Variants in GRIN2B observed in about 807,000 individuals in gnomAD.
The protein encoded by GRIN2B is glutamate receptor ionotropic, NMDA 2B.
GRIN2B carries 5 observed loss-of-function variants against 114.5 expected under a neutral mutation model. The ratio of observed to expected loss-of-function variants is 0.04; its 90% CI spans 0.02 to 0.09. GRIN2B has a LOEUF of 0.09. Among genes scored for constraint, GRIN2B ranks in the 10% least tolerant of loss-of-function variants. GRIN2B has a pLI of 1.00. For synonymous variants in GRIN2B, 787 were observed against 745.1 expected (o/e 1.06, Z -0.92); for missense variants, 1,108 against 1,943.5 (o/e 0.57, Z 8.08).
intron 3 of GRIN2B, among the ~76,000 whole-genome samples, chr12:13,844,324 C>T (rs1164626298): frequency 6.6e-6 from 1 of 152,136 alleles, no homozygotes; most frequent in Non-Finnish European, 1.5e-5. Flanking sequence ...CTATGAATTC[C>T]TCATTCTAGA....
At chr12:13,705,182 C>T (rs7968071) in intron 4 of GRIN2B, among the ~76,000 whole-genome samples, 16,824 of 152,146 alleles carry the variant, frequency 0.11, 1,179 homozygotes, top group African/African-American at 0.19. Flanking sequence ...GAATTTGATT[C>T]CCCTGCTCTC....
At position 13,637,517 on chromosome 12, in the gene GRIN2B, G is replaced by A. The variant is rs570023234; in HGVS notation, c.1126-20860C>T. On this transcript the variant is annotated intron_variant, in intron 5 of 13. Coordinates refer to ENST00000609686, the MANE Select transcript of GRIN2B (RefSeq NM_000834.5). ...AGTGAGATATTCCATCACCAGTAAA[G>A]GTTTTGGCACCAACCAGTGAATGGA... Among the ~76,000 whole-genome samples the A allele has an allele frequency of 2.9e-4, 44 of 152,222 alleles. 2 individuals carry two copies. In the Middle Eastern group the frequency reaches 0.01, roughly 35 times the overall value.
chr12:13,676,357 A>T (rs1233105533), intron 4 of GRIN2B, among the ~76,000 whole-genome samples: 2 of 152,138 alleles, frequency 1.3e-5, no homozygotes, highest in Admixed American at 6.6e-5. Flanking sequence ...ATTAAAAATA[A>T]AAATTTTTAA....
chr12:13,627,345 A>G (rs891441708), intron 5 of GRIN2B, among the ~76,000 whole-genome samples: 3 of 152,148 alleles, frequency 2.0e-5, no homozygotes, highest in East Asian at 3.9e-4. Flanking sequence ...TTATAATCAA[A>G]ACAGTTCTCA....
Position 13,546,698 on chromosome 12 carries a change from A to G in GRIN2B, c.*16085T>C, listed in dbSNP as rs936269180. 3 of 152,186 alleles carry G rather than the reference A, an allele frequency of 2.0e-5. No homozygotes were observed. The highest frequency in any genetic ancestry group is 4.4e-5 in the Non-Finnish European group (3 of 68,040). 9.4% of individuals were successfully genotyped at this position (152,186 alleles called of 1,614,324 possible). A position where few individuals can be genotyped will look rare whatever the true frequency, so the allele number is the denominator to read the frequency against. ...ACATGCAACAACTCACTGGGCGAGA[A>G]ATTTAGAAACACTTGCCTCCTATGA... On this transcript the variant is annotated 3_prime_UTR_variant, in exon 14 of 14. Coordinates refer to ENST00000609686, the MANE Select transcript of GRIN2B (RefSeq NM_000834.5).
intron 3 of GRIN2B, among the ~76,000 whole-genome samples, chr12:13,827,004 G>C (rs937783089): frequency 1.3e-5 from 2 of 149,572 alleles, no homozygotes; most frequent in African/African-American, 4.9e-5. Flanking sequence ...GCTAGGTGTA[G>C]AGTTCTTTGT....
rs1443162589 is a variant in GRIN2B, at chr12:13,538,170, G to C, written c.*24613C>G. The stretch of plus-strand genomic sequence containing the variant: ...GAGTGTCAATCCTGGGACAGCCAAG[G>C]AGGCTCATCTTTCCGGAACAGTTGG... On this transcript the variant is annotated 3_prime_UTR_variant, in exon 14 of 14. Transcript: ENST00000609686. 1 of 152,274 alleles carries C rather than the reference G, an allele frequency of 6.6e-6. No individual in the cohort carries two copies. The highest frequency in any genetic ancestry group is 1.5e-5 in the Non-Finnish European group (1 of 68,096). The allele number at this position is 152,274 out of a possible 1,614,324, so 9.4% of individuals were successfully genotyped here.
At position 13,567,064 on chromosome 12, in the gene GRIN2B, G is replaced by A; in HGVS notation, c.2559C>T (p.Val853=). The A allele has an allele frequency of 2.5e-6, 4 of 1,614,080 alleles. No homozygotes were observed. Among genetic ancestry groups the A allele is most frequent in the Non-Finnish European group, 3.4e-6 (4 of 1,179,924 alleles). ...AGACCATGCCAGGCTTGCCAGAACA[G>A]ACACCCATAAAGCAATGTCGGAACT... ...YWQFRHCFMG[V]CSGKPGMVFS... is the part of the protein sequence containing the mutation. Residue 853 remains valine (V), a synonymous_variant, in exon 13 of 14, where the codon GTC becomes GTT. Coordinates refer to ENST00000609686, the MANE Select transcript of GRIN2B (RefSeq NM_000834.5).
intron 3 of GRIN2B, among the ~76,000 whole-genome samples, chr12:13,854,804 A>G (rs1054339084): frequency 6.6e-6 from 1 of 152,140 alleles, no homozygotes; most frequent in Non-Finnish European, 1.5e-5. Flanking sequence ...TACTTCATTC[A>G]TTTATTCAAT....
At chr12:13,941,323 C>A (rs547650756) in intron 2 of GRIN2B, among the ~76,000 whole-genome samples, 2 of 152,286 alleles carry the variant, frequency 1.3e-5, no homozygotes, top group South Asian at 4.2e-4. Flanking sequence ...TCCCCACAAA[C>A]CTTGCAGCCA....
At chr12:13,725,528 G>A (rs184518930) in intron 4 of GRIN2B, among the ~76,000 whole-genome samples, 61 of 152,184 alleles carry the variant, frequency 4.0e-4, no homozygotes, top group Middle Eastern at 3.4e-3. Flanking sequence ...GGAGTTACAG[G>A]TTGGGCCACA....
At chr12:13,639,838 T>G (rs1949698147) in intron 5 of GRIN2B, among the ~76,000 whole-genome samples, 1 of 152,122 alleles carries the variant, frequency 6.6e-6, no homozygotes, top group African/African-American at 2.4e-5. Flanking sequence ...CTTTTTCATC[T>G]TTTTCTCTCT....
chr12:13,650,761 T>G (rs1949805474), intron 5 of GRIN2B, among the ~76,000 whole-genome samples: 1 of 152,100 alleles, frequency 6.6e-6, no homozygotes, highest in Non-Finnish European at 1.5e-5. Flanking sequence ...TCTAACAAAT[T>G]GTATGATGTA....
chr12:13,607,846 G>A (rs1199263282), intron 10 of GRIN2B, among the ~76,000 whole-genome samples: 2 of 152,070 alleles, frequency 1.3e-5, no homozygotes, highest in African/African-American at 4.8e-5. Flanking sequence ...GACACTCCAT[G>A]AAAGTGTCTC....
Position 13,551,230 on chromosome 12 carries a change from A to G in GRIN2B, c.*11553T>C, listed in dbSNP as rs1440204938. 3.9e-5 allele frequency: 6 copies of G among 152,098 alleles called. No individual in the cohort carries two copies. The highest frequency in any genetic ancestry group is 3.9e-4 in the Admixed American group (6 of 15,274). 9.4% of individuals were successfully genotyped at this position (152,098 alleles called of 1,614,324 possible). A position where few individuals can be genotyped will look rare whatever the true frequency, so the allele number is the denominator to read the frequency against. The stretch of plus-strand genomic sequence containing the variant: ...GAATTCTCCTACCCTTATTCCTCCC[A>G]TTGAGAACAGACCTCTCCACCTCTG... On this transcript the variant is annotated 3_prime_UTR_variant, in exon 14 of 14. Coordinates refer to ENST00000609686, the MANE Select transcript of GRIN2B (RefSeq NM_000834.5).
intron 4 of GRIN2B, among the ~76,000 whole-genome samples, chr12:13,725,302 G>C (rs945985807): frequency 6.6e-6 from 1 of 152,138 alleles, no homozygotes; most frequent in African/African-American, 2.4e-5. Flanking sequence ...AGGAAAGAAA[G>C]GGGAAGAGGA....
At chr12:13,962,082 TCATA>T (rs767915047) in intron 2 of GRIN2B, among the ~76,000 whole-genome samples, 5 of 59,868 alleles carry the variant, frequency 8.4e-5, no homozygotes, top group East Asian at 4.5e-4. Flanking sequence ...TCTGTCTCTC[TCATA>T]CATACACACA....
chr12:13,949,795 A>G (rs1179473748), intron 2 of GRIN2B, among the ~76,000 whole-genome samples: 1 of 152,180 alleles, frequency 6.6e-6, no homozygotes, highest in East Asian at 1.9e-4. Flanking sequence ...GAATCAGCAA[A>G]ATACTCACTT....
intron 3 of GRIN2B, among the ~76,000 whole-genome samples, chr12:13,853,795 G>A (rs1865613052): frequency 6.6e-6 from 1 of 152,056 alleles, no homozygotes; most frequent in Admixed American, 6.6e-5. Flanking sequence ...TTTTCATTTG[G>A]GTTTAAAATA....
Sources: allele counts gnomAD v4.1 joint callset (sites outside exome capture counted in the v4.1 genomes callset), GRCh38; gene constraint gnomAD v4.1.1; transcripts MANE v1.5; gene names NCBI Gene and HGNC (gene_info 2026-07-23, HGNC 2026-07-21).